The following ETS1 variants were observed in gnomAD, a reference collection of about 807,000 sequenced individuals.
ETS1 encodes the protein protein C-ets-1.
In ETS1, 15 loss-of-function variants were observed where a neutral mutation model predicts 58.6. The ratio of observed to expected loss-of-function variants is 0.26; its 90% CI spans 0.17 to 0.39. The LOEUF is 0.39. Among genes scored for constraint, ETS1 ranks in the 10% least tolerant of loss-of-function variants. The pLI is 1.00. For missense variants in ETS1, 417 were observed against 610.5 expected (o/e 0.68, Z 3.34); for synonymous variants, 214 against 218.2 (o/e 0.98, Z 0.17).
intron 8 of ETS1, among the ~76,000 whole-genome samples, chr11:128,473,685 C>T (rs1006998727): frequency 2.0e-5 from 3 of 152,226 alleles, no homozygotes; most frequent in African/African-American, 7.2e-5. Context: ...GTGCTCCAAC[C>T]TGCAGGCATC....
At chr11:128,477,982 T>C (rs1862369498) in intron 8 of ETS1, among the ~76,000 whole-genome samples, 1 of 152,000 alleles carries the variant, frequency 6.6e-6, no homozygotes, top group Non-Finnish European at 1.5e-5. Context: ...CAAGGTAAAT[T>C]TGCCTAAAAC....
At chr11:128,486,249 T>C in intron 5 of ETS1, 103 bp from the exon 6 acceptor site, 2 of 706,286 alleles carry the variant, frequency 2.8e-6, no homozygotes, top group Admixed American at 4.5e-5. Flanking sequence ...CAACCCCTTT[T>C]CTAAGAAATC....
chr11:128,505,427 T>C (rs1222963150), intron 3 of ETS1: 1 of 152,234 alleles, frequency 6.6e-6, no homozygotes, highest in Non-Finnish European at 1.5e-5. Flanking sequence ...TGCAGAGACC[T>C]AAGGGTTCCA....
intron 3 of ETS1, among the ~76,000 whole-genome samples, chr11:128,554,546 G>A (rs540430424): frequency 2.6e-4 from 40 of 152,086 alleles, no homozygotes; most frequent in African/African-American, 9.2e-4. Flanking sequence ...ACTTGACAAA[G>A]AGCAGCATGA....
At chr11:128,544,269 C>G (rs937669831) in intron 3 of ETS1, among the ~76,000 whole-genome samples, 1 of 148,860 alleles carries the variant, frequency 6.7e-6, no homozygotes, top group African/African-American at 2.5e-5. Context: ...GTTTCTTCAA[C>G]TGCTTTAAAA....
At chr11:128,497,537 T>C (rs2135474645) in intron 3 of ETS1, 1 of 969,214 alleles carries the variant, frequency 1.0e-6, no homozygotes, top group Middle Eastern at 5.3e-4. Context: ...TTTAACACAT[T>C]ATTACCACTG....
intron 3 of ETS1, among the ~76,000 whole-genome samples, chr11:128,531,168 C>A (rs1442457939): frequency 6.6e-6 from 1 of 152,210 alleles, no homozygotes; most frequent in African/African-American, 2.4e-5. Flanking sequence ...AGAGCACAAG[C>A]TTGGCAGTAA....
In ETS1 at chr11:128,544,340, A is replaced by AT. The variant is rs71472068; in HGVS notation, c.214+11950_214+11951insA. 1.1e-4 allele frequency among the ~76,000 whole-genome samples: 13 copies of AT among 117,064 alleles called. No individual in the cohort carries two copies. The South Asian group carries it at 3.1e-3, about 28-fold the overall frequency. The allele number at this position is 117,064 out of a possible 152,430, so 76.8% of individuals were successfully genotyped here. On this transcript the variant is annotated intron_variant, in intron 3 of 9. Coordinates refer to ENST00000392668, the MANE Select transcript of ETS1 (RefSeq NM_001143820.2). ...ATGAAAAAGTGATTAATTGTTTACTAATATATATATATATATATATATATA... is the reference window on the plus strand; with the variant it reads ...ATGAAAAAGTGATTAATTGTTTACTATATATATATATATATATATATATATA...
chr11:128,554,546 G>C (rs540430424), intron 3 of ETS1, among the ~76,000 whole-genome samples: 2 of 152,086 alleles, frequency 1.3e-5, no homozygotes, highest in East Asian at 1.9e-4. Flanking sequence ...ACTTGACAAA[G>C]AGCAGCATGA....
chr11:128,555,443 G>A (rs1184255857), intron 3 of ETS1, among the ~76,000 whole-genome samples: 1 of 152,268 alleles, frequency 6.6e-6, no homozygotes, highest in Admixed American at 6.5e-5. Flanking sequence ...ACATGTAAGA[G>A]TAATGACATT....
At chr11:128,582,609 T>C (rs1864896622) in intron 1 of ETS1, among the ~76,000 whole-genome samples, 1 of 152,218 alleles carries the variant, frequency 6.6e-6, no homozygotes, top group Non-Finnish European at 1.5e-5. Flanking sequence ...TAAAGACTTG[T>C]ATTCAAGTCA....
intron 3 of ETS1, among the ~76,000 whole-genome samples, chr11:128,492,390 T>C (rs1325286337): frequency 1.3e-5 from 2 of 152,224 alleles, no homozygotes; most frequent in Admixed American, 1.3e-4. Flanking sequence ...TGTTTGCTTT[T>C]AGTGATGCTG....
chr11:128,485,175 G>C (rs1477637746), intron 6 of ETS1, 104 bp from the exon 7 acceptor site: 8 of 979,262 alleles, frequency 8.2e-6, no homozygotes, highest in African/African-American at 3.3e-5. Flanking sequence ...GCTCCTTAGA[G>C]AATAAGGGAA....
chr11:128,542,369 AGAGGGAGGAAGAG>A (rs1466205075), intron 3 of ETS1, among the ~76,000 whole-genome samples: 1 of 152,174 alleles, frequency 6.6e-6, no homozygotes, highest in Non-Finnish European at 1.5e-5. Flanking sequence ...CAGGAAGAGA[AGAGGGAGGAAGAG>A]GAGGGTAAAA....
At chr11:128,471,226 C>G (rs1862179902) in intron 8 of ETS1, among the ~76,000 whole-genome samples, 1 of 152,218 alleles carries the variant, frequency 6.6e-6, no homozygotes, top group Non-Finnish European at 1.5e-5. Context: ...ACAGGCTTGA[C>G]AGCAAGACCA....
intron 3 of ETS1, among the ~76,000 whole-genome samples, chr11:128,533,087 C>A (rs552309702): frequency 6.6e-6 from 1 of 152,308 alleles, no homozygotes; most frequent in African/African-American, 2.4e-5. Flanking sequence ...GAAAAGCCAT[C>A]CTTATCAATG....
At chr11:128,511,848 T>C (rs1863400496) in intron 3 of ETS1, among the ~76,000 whole-genome samples, 1 of 152,224 alleles carries the variant, frequency 6.6e-6, no homozygotes, top group Non-Finnish European at 1.5e-5. Context: ...TCTCCGCTTA[T>C]TTGCCCTGGA....
chr11:128,482,098 T>C (rs892358833), intron 7 of ETS1, among the ~76,000 whole-genome samples: 1 of 152,180 alleles, frequency 6.6e-6, no homozygotes, highest in Non-Finnish European at 1.5e-5. Flanking sequence ...TAAAAATGAA[T>C]ATATATTTCT....
intron 3 of ETS1, among the ~76,000 whole-genome samples, chr11:128,538,747 TACACACATACACAC>T (rs1381476986): frequency 8.2e-6 from 1 of 121,250 alleles, no homozygotes; most frequent in Non-Finnish European, 1.6e-5. Flanking sequence ...CACACACACA[TACACACATACACAC>T]ACACACACAC....
Sources: allele counts gnomAD v4.1 joint callset (sites outside exome capture counted in the v4.1 genomes callset), GRCh38; gene constraint gnomAD v4.1.1; transcripts MANE v1.5; gene names NCBI Gene and HGNC (gene_info 2026-07-23, HGNC 2026-07-21).